KCNQ1OT1: variants seen among roughly 807,000 people sequenced by gnomAD.
KCNQ1OT1 encodes KCNQ1 opposite strand/antisense transcript 1, also known as KCNQ1 antisense RNA 2 (non-protein coding).
chr11:2,655,716 G>A, exon 1 of KCNQ1OT1: 1 of 108,962 alleles, frequency 9.2e-6, no homozygotes. Context: ...TCTCCTAGAT[G>A]CCTGACCTGG....
chr11:2,697,982 A>G, exon 1 of KCNQ1OT1: 1 of 398,636 alleles, frequency 2.5e-6, no homozygotes, highest in East Asian at 3.6e-5. Context: ...CAATCCTTAA[A>G]TTTTTCTCCT....
rs537114529 is a variant in KCNQ1OT1 at position 2,615,503 on chromosome 11, GT to G, written n.84491del. The G allele has an allele frequency of 1.4e-3, 563 of 397,622 alleles. 1 individual carries two copies. The highest frequency in any genetic ancestry group is 0.01 in the African/African-American group (491 of 48,602). 24.6% of individuals were successfully genotyped at this position (397,622 alleles called of 1,614,324 possible). A position where few individuals can be genotyped will look rare whatever the true frequency, so the allele number is the denominator to read the frequency against. The stretch of plus-strand genomic sequence containing the variant: ...TCTTTGTTATGGGAGAAATTTTTCA[GT>G]TTTTTTTCTCATTAAGTATATTAGT... On this transcript the variant is annotated non_coding_transcript_exon_variant, in exon 1 of 1. Transcript: ENST00000597346.
rs1850476616 is a variant in KCNQ1OT1 at position 2,685,717 on chromosome 11, G to C, written n.14278C>G. ...CCTTCGGTCTGGGACCCCAGGGAGG[G>C]TGCTCTGACAGTCCGCCGAAATGGC... On this transcript the variant is annotated non_coding_transcript_exon_variant, in exon 1 of 1. Transcript: ENST00000597346. 1.3e-5 allele frequency: 5 copies of C among 398,708 alleles called. No individual in the cohort carries two copies. The East Asian group carries it at 1.8e-4, about 14-fold the overall frequency. The allele number at this position is 398,708 out of a possible 1,614,324, so 24.7% of individuals were successfully genotyped here. A position where few individuals can be genotyped will look rare whatever the true frequency, so the allele number is the denominator to read the frequency against.
exon 1 of KCNQ1OT1, chr11:2,681,024 C>T: frequency 2.5e-6 from 1 of 398,492 alleles, no homozygotes; most frequent in Non-Finnish European, 4.4e-6. Flanking sequence ...TGAAAGCCTC[C>T]TCAGATGTGG....
At chr11:2,646,362 A>T (rs896066140) in exon 1 of KCNQ1OT1, 1 of 398,502 alleles carries the variant, frequency 2.5e-6, no homozygotes, top group African/African-American at 2.1e-5. Flanking sequence ...AAAATTTTGT[A>T]GCCTCTTCAA....
rs1405831460 is a variant in KCNQ1OT1 at position 2,679,323 on chromosome 11, C to T, written n.20672G>A. ...AATAACAGGGTCTGGAGTCTGAACT[C>T]ATATCCTAATTCCACTACTTTCTAC... On this transcript the variant is annotated non_coding_transcript_exon_variant, in exon 1 of 1. Transcript: ENST00000597346. This position sits in a 1 kb window ranked among gnomAD's most constrained non-coding sequence, Gnocchi z 4.8. 7.5e-6 allele frequency: 3 copies of T among 398,532 alleles called. No individual in the cohort carries two copies. The highest frequency in any genetic ancestry group is 1.3e-5 in the Non-Finnish European group (3 of 226,088). The allele number at this position is 398,532 out of a possible 1,614,324, so 24.7% of individuals were successfully genotyped here.
chr11:2,684,605 G>A lies in KCNQ1OT1; in HGVS notation n.15390C>T, dbSNP rs1850453126. On this transcript the variant is annotated non_coding_transcript_exon_variant, in exon 1 of 1. Coordinates refer to ENST00000597346, the Ensembl canonical transcript of KCNQ1OT1. ...AGGAGAGTGACTGTCCTTTGTCTGT[G>A]GCCCTGGATTTGAGGCTAAGCCTTC... The A allele has an allele frequency of 1.5e-5, 6 of 398,514 alleles. No homozygotes were observed. The South Asian group carries it at 7.6e-4, about 51-fold the overall frequency. The allele number at this position is 398,514 out of a possible 1,614,324, so 24.7% of individuals were successfully genotyped here. A position where few individuals can be genotyped will look rare whatever the true frequency, so the allele number is the denominator to read the frequency against.
At chr11:2,681,055 C>T in exon 1 of KCNQ1OT1, 1 of 398,384 alleles carries the variant, frequency 2.5e-6, no homozygotes, top group Non-Finnish European at 4.4e-6. Context: ...AATGTGGGCT[C>T]CAAAAAGAGA....
chr11:2,697,265 C>G (rs574925478), exon 1 of KCNQ1OT1: 3 of 398,570 alleles, frequency 7.5e-6, no homozygotes, highest in African/African-American at 6.2e-5. Context: ...GTTTCAATAA[C>G]TTTTAAGAAT....
At chr11:2,609,601 C>T (rs1439433646) in exon 1 of KCNQ1OT1, 6 of 398,196 alleles carry the variant, frequency 1.5e-5, no homozygotes, top group East Asian at 3.6e-5. Context: ...TTGTACTACA[C>T]ATTATTGAAA....
chr11:2,615,546 A>G (rs1172285635), exon 1 of KCNQ1OT1: 3 of 397,932 alleles, frequency 7.5e-6, no homozygotes, highest in African/African-American at 6.2e-5. Flanking sequence ...TTTTTCACAA[A>G]TCCTCTTTAA....
exon 1 of KCNQ1OT1, chr11:2,614,117 T>C (rs889415170): frequency 3.3e-5 from 13 of 398,550 alleles, no homozygotes; most frequent in African/African-American, 2.5e-4. Context: ...CACCATTCTT[T>C]GGCTTTCCTA....
chr11:2,618,959 GA>G (rs1432568408), exon 1 of KCNQ1OT1: 3 of 397,928 alleles, frequency 7.5e-6, no homozygotes, highest in Non-Finnish European at 8.9e-6. Context: ...TTGTTTTCTT[GA>G]TTTCTTTTTT....
At chr11:2,618,532 G>T (rs915706636) in exon 1 of KCNQ1OT1, 6 of 398,308 alleles carry the variant, frequency 1.5e-5, no homozygotes, top group African/African-American at 1.2e-4. Context: ...TTCTTTCTGG[G>T]CTCTCTATTC....
At chr11:2,675,880 G>A (rs1347645346) in exon 1 of KCNQ1OT1, 9 of 398,566 alleles carry the variant, frequency 2.3e-5, no homozygotes, top group African/African-American at 6.2e-5. Context: ...GGAGCCAATC[G>A]TGCTTTATGT....
rs1399564822 is a variant in KCNQ1OT1, at chr11:2,609,202, A to G, written n.90793T>C. 1.8e-5 allele frequency: 7 copies of G among 398,132 alleles called. No homozygotes were observed. The East Asian group carries it at 2.1e-4, about 12-fold the overall frequency. 24.7% of individuals were successfully genotyped at this position (398,132 alleles called of 1,614,324 possible). ...CTTTACACTGCTTTAAATGTATCCC[A>G]TAAGTTCTGTTATGTTGTATCTTCA... On this transcript the variant is annotated non_coding_transcript_exon_variant, in exon 1 of 1. Coordinates refer to ENST00000597346, the Ensembl canonical transcript of KCNQ1OT1.
exon 1 of KCNQ1OT1, chr11:2,649,136 G>A (rs1025585005): frequency 3.3e-5 from 13 of 397,798 alleles, no homozygotes; most frequent in Non-Finnish European, 4.9e-5. Flanking sequence ...TAGGCAGCAT[G>A]TAATTGGGTT....
In KCNQ1OT1 at chr11:2,648,515, A is replaced by G. The variant is rs567518340; in HGVS notation, n.51480T>C. On this transcript the variant is annotated non_coding_transcript_exon_variant, in exon 1 of 1. Coordinates refer to ENST00000597346, the Ensembl canonical transcript of KCNQ1OT1. ...AAGAATTTTTAAATTTTTAAAATCAATTTCTTCATAGACACAGTGGTCATT... is the reference window on the plus strand; with the variant it reads ...AAGAATTTTTAAATTTTTAAAATCAGTTTCTTCATAGACACAGTGGTCATT... 57 of 398,444 alleles carry G rather than the reference A, an allele frequency of 1.4e-4. No individual in the cohort carries two copies. In the South Asian group the frequency reaches 6.9e-3, roughly 48 times the overall value. The allele number at this position is 398,444 out of a possible 1,614,324, so 24.7% of individuals were successfully genotyped here. A position where few individuals can be genotyped will look rare whatever the true frequency, so the allele number is the denominator to read the frequency against.
rs960876885 is a variant in KCNQ1OT1 at position 2,664,625 on chromosome 11, A to G, written n.35370T>C. 13 of 398,682 alleles carry G rather than the reference A, an allele frequency of 3.3e-5. No individual in the cohort carries two copies. Among genetic ancestry groups the G allele is most frequent in the Non-Finnish European group, 5.3e-5 (12 of 226,132 alleles). The allele number at this position is 398,682 out of a possible 1,614,324, so 24.7% of individuals were successfully genotyped here. On this transcript the variant is annotated non_coding_transcript_exon_variant, in exon 1 of 1. Transcript: ENST00000597346. The surrounding 1 kb of genome is among the most constrained non-coding windows in gnomAD (Gnocchi z 5.1). ...CTGCACAGCCCGCCCAGTGATGCCC[A>G]TAATTAAATTCGGCTCCAGCTGCTC...
Sources: allele counts gnomAD v4.1 joint callset, GRCh38; gene constraint gnomAD v4.1.1; non-coding constraint Gnocchi (gnomAD v3.1); transcripts MANE v1.5; gene names NCBI Gene and HGNC (gene_info 2026-07-23, HGNC 2026-07-21).